The following CAAP1 variants were observed in gnomAD, a reference collection of about 807,000 sequenced individuals.
CAAP1 encodes caspase activity and apoptosis inhibitor 1, also known as conserved anti-apoptotic protein.
Under a neutral mutation model 34.0 loss-of-function variants are expected in CAAP1, and 20 were observed. The observed-to-expected ratio is 0.59, with a 90% confidence interval of 0.41 to 0.86. CAAP1 has a LOEUF of 0.86. Ranked by LOEUF, CAAP1 falls within the 40% of genes least tolerant of loss-of-function variation. The pLI, the probability that CAAP1 is intolerant of heterozygous loss-of-function variation, is 0.00. For synonymous variants in CAAP1, 213 were observed against 166.7 expected, an observed-to-expected ratio of 1.28 and a Z score of -2.14; for missense variants, 538 against 450.5, an observed-to-expected ratio of 1.19 and a Z score of -1.76.
intron 5 of CAAP1, among the ~76,000 whole-genome samples, chr9:26,857,481 A>C (rs893215405): frequency 6.6e-6 from 1 of 152,130 alleles, no homozygotes; most frequent in Non-Finnish European, 1.5e-5. Context: ...AAAATACAAA[A>C]ATTAGCCGGG....
At chr9:26,881,254 G>A (rs948639136) in intron 4 of CAAP1, among the ~76,000 whole-genome samples, 2 of 152,202 alleles carry the variant, frequency 1.3e-5, no homozygotes, top group African/African-American at 4.8e-5. Context: ...TATTACAGGT[G>A]TGAACCACCA....
At chr9:26,885,592 AG>A (rs1170358583) in intron 3 of CAAP1, among the ~76,000 whole-genome samples, 3 of 152,070 alleles carry the variant, frequency 2.0e-5, no homozygotes, top group African/African-American at 4.8e-5. Flanking sequence ...AAGTCCCAAA[AG>A]AAAAAAAAAA....
rs577590099 is a variant in CAAP1 at position 26,892,396 on chromosome 9, G to T, written c.303+17C>A. 2 of 1,604,160 alleles carry T rather than the reference G, an allele frequency of 1.2e-6. No homozygotes were observed. The highest frequency in any genetic ancestry group is 1.7e-6 in the Non-Finnish European group (2 of 1,178,666). ...AAGCAGCAGCTCCAGGAAGCGGCCA[G>T]AGGGGCGCGCACGCACCTGCTGCAA... On this transcript the variant is annotated intron_variant, in intron 1 of 5. Coordinates refer to ENST00000333916, the MANE Select transcript of CAAP1 (RefSeq NM_024828.4).
chr9:26,887,266 A>C, intron 2 of CAAP1, 47 bp downstream of exon 2: 1 of 1,216,358 alleles, frequency 8.2e-7, no homozygotes, highest in South Asian at 1.6e-5. Context: ...GCTACAAAGA[A>C]GGCTGTATTT....
chr9:26,881,719 T>A (rs1428652450), intron 4 of CAAP1, among the ~76,000 whole-genome samples: 1 of 152,160 alleles, frequency 6.6e-6, no homozygotes, highest in Admixed American at 6.5e-5. Context: ...GGCACTGCTG[T>A]ACAAATACAC....
At chr9:26,869,495 T>C (rs1357879561) in intron 4 of CAAP1, among the ~76,000 whole-genome samples, 3 of 152,112 alleles carry the variant, frequency 2.0e-5, no homozygotes, top group African/African-American at 7.2e-5. Context: ...TTAGTTAAAA[T>C]GAAAAAATCT....
chr9:26,873,051 A>G (rs1823320822), intron 4 of CAAP1, among the ~76,000 whole-genome samples: 1 of 152,144 alleles, frequency 6.6e-6, no homozygotes, highest in Non-Finnish European at 1.5e-5. Flanking sequence ...TCTTGAGCCA[A>G]GGAGTTTGAG....
At chr9:26,877,859 T>C (rs1823482222) in intron 4 of CAAP1, among the ~76,000 whole-genome samples, 1 of 151,722 alleles carries the variant, frequency 6.6e-6, no homozygotes, top group Admixed American at 6.6e-5. Context: ...TATTTTCCTA[T>C]ATTTATTACA....
Position 26,843,290 on chromosome 9 carries a change from T to C in CAAP1, c.740-643A>G, listed in dbSNP as rs572318004. 4.2e-4 allele frequency among the ~76,000 whole-genome samples: 64 copies of C among 152,238 alleles called. 1 individual carries two copies. Among genetic ancestry groups the C allele is most frequent in the Non-Finnish European group, 8.1e-4 (55 of 68,036 alleles). On this transcript the variant is annotated intron_variant, in intron 5 of 5. Transcript: ENST00000333916. ...ATAATTTTAAAAAATGCATTTGTTA[T>C]AAAACTTCTATAACTGATGCTAACA...
intron 4 of CAAP1, among the ~76,000 whole-genome samples, chr9:26,876,836 G>A (rs771158754): frequency 6.6e-5 from 10 of 152,114 alleles, no homozygotes; most frequent in Non-Finnish European, 1.2e-4. Context: ...CTTGTGGCAG[G>A]TGCATAGAAG....
chr9:26,892,146 C>T, intron 1 of CAAP1: 1 of 849,822 alleles, frequency 1.2e-6, no homozygotes, highest in Non-Finnish European at 1.7e-6. Flanking sequence ...AGAGTGAAAC[C>T]ATAGGAGTGG....
intron 5 of CAAP1, among the ~76,000 whole-genome samples, chr9:26,854,673 TCCAAAATATATAGAGA>T (rs1290088902): frequency 1.3e-5 from 2 of 152,132 alleles, no homozygotes; most frequent in Non-Finnish European, 2.9e-5. Flanking sequence ...AGCACTGGTA[TCCAAAATATATAGAGA>T]CCTCTTAAAG....
intron 5 of CAAP1, among the ~76,000 whole-genome samples, chr9:26,856,676 G>A (rs1822877131): frequency 1.3e-5 from 2 of 152,130 alleles, no homozygotes; most frequent in African/African-American, 2.4e-5. Flanking sequence ...CACTGTGTTA[G>A]ACCAAAAAAT....
intron 5 of CAAP1, among the ~76,000 whole-genome samples, chr9:26,856,684 A>C (rs995411229): frequency 1.3e-5 from 2 of 152,184 alleles, no homozygotes; most frequent in African/African-American, 4.8e-5. Flanking sequence ...TAGACCAAAA[A>C]ATTTTGTCTA....
intron 1 of CAAP1, among the ~76,000 whole-genome samples, chr9:26,888,479 C>T (rs1165861759): frequency 1.3e-5 from 2 of 152,158 alleles, no homozygotes; most frequent in Admixed American, 6.6e-5. Context: ...ACAGTCATTT[C>T]CTCTGGAAAA....
intron 2 of CAAP1, among the ~76,000 whole-genome samples, chr9:26,886,832 A>T (rs1402833181): frequency 6.6e-6 from 1 of 152,242 alleles, no homozygotes; most frequent in African/African-American, 2.4e-5. Context: ...ATTTTTAAAT[A>T]TACAAGGCTC....
chr9:26,875,283 G>C (rs535304151), intron 4 of CAAP1, among the ~76,000 whole-genome samples: 2 of 152,240 alleles, frequency 1.3e-5, no homozygotes, highest in South Asian at 4.1e-4. Context: ...ATACTTGGAA[G>C]GCTAAGGTGG....
intron 4 of CAAP1, among the ~76,000 whole-genome samples, chr9:26,879,279 G>A (rs1327096552): frequency 6.6e-6 from 1 of 152,086 alleles, no homozygotes; most frequent in Non-Finnish European, 1.5e-5. Context: ...TGTTTATGAT[G>A]TCATTTTTTT....
At position 26,866,216 on chromosome 9, in the gene CAAP1, GTA is replaced by G. The variant is rs1587107376; in HGVS notation, c.666-5079_666-5078del. Among the ~76,000 whole-genome samples the G allele has an allele frequency of 2.0e-5, 3 of 152,168 alleles. No homozygotes were observed. In the East Asian group the frequency reaches 5.8e-4, roughly 29 times the overall value. Reference sequence around the variant, plus strand: ...CTAATAAGAGACTGTTTATGTTCTGGTATACCAAAAAATGGTATAGTAAATAG... The same window carrying G: ...CTAATAAGAGACTGTTTATGTTCTGGTACCAAAAAATGGTATAGTAAATAG... On this transcript the variant is annotated intron_variant, in intron 4 of 5. Transcript: ENST00000333916.
Sources: gnomAD v4.1 joint callset for allele counts (sites outside exome capture counted in the v4.1 genomes callset) on GRCh38, gnomAD v4.1.1 for gene constraint, MANE v1.5 for transcripts, NCBI Gene and HGNC (gene_info 2026-07-23, HGNC 2026-07-21) for gene names.